The following COL4A4 variants were observed in gnomAD, a reference collection of about 807,000 sequenced individuals.
COL4A4 encodes collagen type IV alpha 4 chain, also known as collagen alpha-4(IV) chain.
In COL4A4, 105 loss-of-function variants were observed where a neutral mutation model predicts 192.9. That is an observed-to-expected ratio of 0.54 (90% CI 0.46 to 0.64). The LOEUF (loss-of-function observed/expected upper bound fraction) is 0.64. COL4A4 is among the 30% of genes least tolerant of loss of function. The pLI, the probability that COL4A4 is intolerant of heterozygous loss-of-function variation, is 0.00. For missense variants in COL4A4, 1,967 were observed against 2,169.3 expected, an observed-to-expected ratio of 0.91 and a Z score of 1.85; for synonymous variants, 762 against 769.9, an observed-to-expected ratio of 0.99 and a Z score of 0.17.
chr2:227,119,924 G>T lies in COL4A4; in HGVS notation c.343C>A (p.Pro115Thr). Residue 115 changes from proline (P) to threonine (T), a missense_variant, in exon 6 of 48, where the codon CCT becomes ACT. Physicochemically the swap from Pro to Thr is conservative, Grantham distance 38 (BLOSUM62 -1). Coordinates refer to ENST00000396625, the MANE Select transcript of COL4A4 (RefSeq NM_000092.5). ...ATGCCATCTAAACCTGGAAATCCAG[G>T]AACACCAGTTGGACCCTAAAATCCC... is the stretch of plus-strand genomic sequence containing the variant. The part of the protein sequence containing the change: ...DKGDKGPTGV[P>T]GFPGLDGIPG... The T allele has an allele frequency of 6.3e-7, 1 of 1,582,404 alleles. No individual in the cohort carries two copies. The highest frequency in any genetic ancestry group is 1.2e-5 in the South Asian group (1 of 84,076).
At chr2:227,093,154 T>C (rs746637994) in intron 20 of COL4A4, among the ~76,000 whole-genome samples, 13 of 152,186 alleles carry the variant, frequency 8.5e-5, no homozygotes, top group Non-Finnish European at 1.6e-4. Context: ...TCACCTTGTC[T>C]TTAGCCTCTA....
At chr2:227,087,658 G>A (rs1385401472) in intron 22 of COL4A4, among the ~76,000 whole-genome samples, 1 of 152,108 alleles carries the variant, frequency 6.6e-6, no homozygotes, top group Non-Finnish European at 1.5e-5. Flanking sequence ...GGATTACACA[G>A]CAGCCTCCCA....
In COL4A4 at chr2:227,051,083, C is replaced by T. The variant is rs764323652; in HGVS notation, c.3044G>A (p.Gly1015Glu). 6.0e-5 allele frequency: 97 copies of T among 1,614,008 alleles called. 1 individual carries two copies. Among genetic ancestry groups the T allele is most frequent in the Non-Finnish European group, 7.4e-5 (87 of 1,180,020 alleles). ...GRYGPPGFHR[G>E]EPGEKGQPGP... ...TGGCTGACCTTTCTCACCAGGTTCC[C>T]CTCTGTGAAATCCAGGTGGTCCGTA... Residue 1015 changes from glycine to glutamate, a missense_variant, in exon 33 of 48, where the codon GGG (glycine) becomes GAG (glutamate). By Grantham distance (98) the Gly-to-Glu change is moderately conservative. Coordinates refer to ENST00000396625, the MANE Select transcript of COL4A4 (RefSeq NM_000092.5).
At chr2:227,002,220 A>C (rs750280248), downstream of COL4A4, among the ~76,000 whole-genome samples, 56 of 151,268 alleles carry the variant, frequency 3.7e-4, 1 homozygote, top group Non-Finnish European at 7.1e-4. Context: ...GAATATCTGC[A>C]CTCCACCTAC....
Position 227,099,655 on chromosome 2 carries a change from G to A in COL4A4, c.1064C>T (p.Pro355Leu), listed in dbSNP as rs1272544606. The A allele has an allele frequency of 6.2e-7, 1 of 1,614,104 alleles. No individual in the cohort carries two copies. The highest frequency in any genetic ancestry group is 1.1e-5 in the South Asian group (1 of 91,074). Residue 355 changes from proline to leucine, a missense_variant, in exon 18 of 48, where the codon CCA becomes CTA. Physicochemically the swap from Pro to Leu is moderately conservative, Grantham distance 98. Transcript: ENST00000396625. ...AAGAGGTGGAGTCACCAAAACACCT[G>A]GTGGTCCTGGGTGCCCTCGATTTCC... ...DPGNRGHPGP[P>L]GVLVTPPLPL...
chr2:227,128,546 T>G (rs1372504514), intron 4 of COL4A4, among the ~76,000 whole-genome samples: 1 of 152,178 alleles, frequency 6.6e-6, no homozygotes, highest in East Asian at 1.9e-4. Flanking sequence ...CCTCCTTCCC[T>G]GTCACTGAAG....
intron 17 of COL4A4, among the ~76,000 whole-genome samples, chr2:227,099,906 G>A (rs754358414): frequency 3.3e-5 from 5 of 152,116 alleles, no homozygotes; most frequent in Non-Finnish European, 7.4e-5. Flanking sequence ...AAGTCACAAA[G>A]CTTCTACAAA....
At chr2:227,150,864 G>A (rs1268875354) in intron 1 of COL4A4, among the ~76,000 whole-genome samples, 7 of 151,276 alleles carry the variant, frequency 4.6e-5, no homozygotes, top group Non-Finnish European at 8.8e-5. Flanking sequence ...TTCAAGGTGA[G>A]ATTTGGGTGG....
downstream of COL4A4, chr2:226,998,754 C>T (rs1056978747): frequency 1.3e-5 from 2 of 152,206 alleles, no homozygotes; most frequent in Admixed American, 6.5e-5. Context: ...CACTCAGCAT[C>T]TCAAATACCT....
chr2:227,081,841 C>T (rs2059344145), intron 23 of COL4A4, among the ~76,000 whole-genome samples: 1 of 152,076 alleles, frequency 6.6e-6, no homozygotes, highest in African/African-American at 2.4e-5. Flanking sequence ...TAAACACCAG[C>T]CAAGCCAAAG....
chr2:226,999,452 G>A (rs1960400577), downstream of COL4A4, among the ~76,000 whole-genome samples: 1 of 152,172 alleles, frequency 6.6e-6, no homozygotes, highest in Non-Finnish European at 1.5e-5. Context: ...ACCAAGAAGT[G>A]TCACCAAGGA....
the COL4A4 span, chr2:226,988,821 G>C: frequency 1.7e-6 from 1 of 584,664 alleles, no homozygotes; most frequent in Non-Finnish European, 2.2e-6. Flanking sequence ...TAACTACCAA[G>C]GCTGACTTTT....
chr2:227,071,019 C>T (rs2150396389), intron 25 of COL4A4, among the ~76,000 whole-genome samples: 1 of 152,150 alleles, frequency 6.6e-6, no homozygotes, highest in African/African-American at 2.4e-5. Context: ...AGACAACTAT[C>T]TGGGTAACAA....
At position 227,082,755 on chromosome 2, in the gene COL4A4, CAGG is replaced by C. The variant is rs1435798813; in HGVS notation, c.1624-571_1624-569del. ...CGTCCTGCTAAGGAAAGTTGATGAG[CAGG>C]AGAAGAGGAATTAAGAACCTTTTCT... On this transcript the variant is annotated intron_variant, in intron 22 of 47. Transcript: ENST00000396625. Among the ~76,000 whole-genome samples the C allele has an allele frequency of 2.6e-5, 4 of 152,248 alleles. No homozygotes were observed. The East Asian group carries it at 5.8e-4, about 22-fold the overall frequency.
chr2:227,038,498 C>T (rs1970145110), intron 37 of COL4A4, among the ~76,000 whole-genome samples: 1 of 152,120 alleles, frequency 6.6e-6, no homozygotes, highest in Admixed American at 6.5e-5. Context: ...AATCAGGTAG[C>T]CTGATGCCTC....
the COL4A4 span, among the ~76,000 whole-genome samples, chr2:226,994,290 T>C: frequency 6.6e-6 from 1 of 152,242 alleles, no homozygotes; most frequent in Non-Finnish European, 1.5e-5. Flanking sequence ...GGGGGTCCCC[T>C]ACCATTTTAG....
chr2:227,057,623 T>A, intron 28 of COL4A4, 23 bp from the exon 29 acceptor site: 2 of 1,612,860 alleles, frequency 1.2e-6, no homozygotes, highest in Non-Finnish European at 1.7e-6. Context: ...AATACATCCA[T>A]GACATTCATG....
the COL4A4 span, among the ~76,000 whole-genome samples, chr2:226,979,059 G>A: frequency 4.6e-5 from 7 of 152,174 alleles, no homozygotes; most frequent in African/African-American, 1.4e-4. Flanking sequence ...TAGGCCATCT[G>A]CGGGCTGGGG....
At chr2:227,064,911 A>G (rs981638902) in intron 25 of COL4A4, among the ~76,000 whole-genome samples, 7 of 152,364 alleles carry the variant, frequency 4.6e-5, no homozygotes, top group Non-Finnish European at 7.3e-5. Context: ...GAACAGCTCC[A>G]GTCTACAGCT....
Sources: gnomAD v4.1 joint callset for allele counts (sites outside exome capture counted in the v4.1 genomes callset) on GRCh38, gnomAD v4.1.1 for gene constraint, MANE v1.5 for transcripts, NCBI Gene and HGNC (gene_info 2026-07-23, HGNC 2026-07-21) for gene names.